Variants in ZNF429 observed in about 807,000 individuals in gnomAD.
The protein encoded by ZNF429 is zinc finger protein 429.
ZNF429 carries 53 observed loss-of-function variants against 56.8 expected under a neutral mutation model. That is an observed-to-expected ratio of 0.93 (90% CI 0.75 to 1.17). ZNF429 has a LOEUF of 1.17. Ranked by LOEUF, ZNF429 falls within the 50% of genes most tolerant of loss-of-function variation. The pLI is 0.00. For missense variants in ZNF429, 849 were observed against 788.4 expected (o/e 1.08, Z -0.92); for synonymous variants, 278 against 264.7 (o/e 1.05, Z -0.49).
Position 21,537,787 on chromosome 19 carries a change from A to C in ZNF429, c.1734A>C (p.Ser578=). The change falls in exon 4 of 4, where the codon TCA becomes TCC. Residue 578 remains serine (S), a synonymous_variant. Coordinates refer to ENST00000358491, the MANE Select transcript of ZNF429 (RefSeq NM_001001415.4). ...KQCDKAFTHS[S]NLSSHKKIHS... ...GTGACAAAGCTTTTACCCACTCCTC[A>C]AACCTTAGTAGTCATAAGAAAATTC... 1 of 1,613,634 alleles carries C rather than the reference A, an allele frequency of 6.2e-7. No homozygotes were observed. Among genetic ancestry groups the C allele is most frequent in the Non-Finnish European group, 8.5e-7 (1 of 1,179,966 alleles).
At chr19:21,534,870 C>T in intron 3 of ZNF429, among the ~76,000 whole-genome samples, 27 of 149,656 alleles carry the variant, frequency 1.8e-4, no homozygotes, top group Middle Eastern at 6.9e-3. Flanking sequence ...AGTGCAGTGG[C>T]GTGATCTCGG....
chr19:21,510,177 G>A (rs1351389201), intron 1 of ZNF429, among the ~76,000 whole-genome samples: 1 of 152,092 alleles, frequency 6.6e-6, no homozygotes, highest in Non-Finnish European at 1.5e-5. Flanking sequence ...ATAGGGGTGA[G>A]CAAACAAGAT....
chr19:21,530,190 CAAA>C, intron 2 of ZNF429, among the ~76,000 whole-genome samples: 6 of 59,256 alleles, frequency 1.0e-4, no homozygotes, highest in Admixed American at 1.9e-4. Flanking sequence ...GACTCCATCT[CAAA>C]AAAAAAAAAA....
intron 1 of ZNF429, among the ~76,000 whole-genome samples, chr19:21,506,753 T>C (rs2032179706): frequency 6.7e-6 from 1 of 148,984 alleles, no homozygotes; most frequent in South Asian, 2.1e-4. Context: ...AAAAAGCATT[T>C]GAGTTAGTTT....
chr19:21,530,380 C>T, intron 2 of ZNF429, among the ~76,000 whole-genome samples: 3 of 151,818 alleles, frequency 2.0e-5, no homozygotes, highest in African/African-American at 4.8e-5. Context: ...TTGTCACAAT[C>T]GATTTTTTAT....
At position 21,538,301 on chromosome 19, in the gene ZNF429, A is replaced by G. The variant is rs1254237706; in HGVS notation, c.*223A>G. 5.8e-5 allele frequency among the ~76,000 whole-genome samples: 8 copies of G among 137,214 alleles called. No individual in the cohort carries two copies. The highest frequency in any genetic ancestry group is 1.3e-4 in the Non-Finnish European group (8 of 63,972). The allele number at this position is 137,214 out of a possible 152,430, so 90.0% of individuals were successfully genotyped here. A position where few individuals can be genotyped will look rare whatever the true frequency, so the allele number is the denominator to read the frequency against. On this transcript the variant is annotated 3_prime_UTR_variant, in exon 4 of 4. Coordinates refer to ENST00000358491, the MANE Select transcript of ZNF429 (RefSeq NM_001001415.4). ...TCAAAAAAAAAAAAAAAAAAAAAAG[A>G]AAAGAAAATTCATAGGCCAGGTATG...
intron 3 of ZNF429, among the ~76,000 whole-genome samples, chr19:21,532,740 C>A: frequency 1.3e-5 from 2 of 151,498 alleles, no homozygotes; most frequent in African/African-American, 4.9e-5. Flanking sequence ...GCTTTGTCAC[C>A]CAGGCTGGAG....
At chr19:21,533,752 C>T in intron 3 of ZNF429, among the ~76,000 whole-genome samples, 21 of 151,988 alleles carry the variant, frequency 1.4e-4, no homozygotes, top group African/African-American at 4.8e-4. Context: ...TTCCCGGGTT[C>T]AAGCAATTCT....
intron 1 of ZNF429, among the ~76,000 whole-genome samples, chr19:21,523,908 G>T (rs185775761): frequency 1.4e-3 from 211 of 152,318 alleles, no homozygotes; most frequent in Non-Finnish European, 2.6e-3. Flanking sequence ...GAGCCAGGTT[G>T]ATCCCATCTA....
chr19:21,526,879 A>C (rs1002122243), intron 1 of ZNF429, among the ~76,000 whole-genome samples: 1 of 152,192 alleles, frequency 6.6e-6, no homozygotes, highest in African/African-American at 2.4e-5. Flanking sequence ...ATCTGGAGCT[A>C]AAATTCACAC....
At chr19:21,522,771 C>T (rs754931774) in intron 1 of ZNF429, among the ~76,000 whole-genome samples, 1 of 152,066 alleles carries the variant, frequency 6.6e-6, no homozygotes, top group African/African-American at 2.4e-5. Context: ...ATGGCAGGTG[C>T]CTGCAATCCC....
intron 3 of ZNF429, among the ~76,000 whole-genome samples, chr19:21,534,208 T>C: frequency 6.6e-6 from 1 of 152,206 alleles, no homozygotes; most frequent in Admixed American, 6.5e-5. Flanking sequence ...CACTGTCTGT[T>C]GTATTGACAT....
Position 21,536,743 on chromosome 19 carries a change from A to G in ZNF429, c.690A>G (p.Arg230=). Residue 230 remains arginine (R), a synonymous_variant, in exon 4 of 4, where the codon AGA becomes AGG. Coordinates refer to ENST00000358491, the MANE Select transcript of ZNF429 (RefSeq NM_001001415.4). ...KRIYVGEKHY[R]CEECGKAFNH... ...TTTATGTTGGTGAGAAACACTACAG[A>G]TGTGAAGAATGTGGCAAAGCATTTA... is the stretch of plus-strand genomic sequence containing the variant. The G allele has an allele frequency of 6.2e-7, 1 of 1,614,048 alleles. No homozygotes were observed. The highest frequency in any genetic ancestry group is 8.5e-7 in the Non-Finnish European group (1 of 1,180,012).
chr19:21,532,409 A>T, intron 3 of ZNF429, among the ~76,000 whole-genome samples: 1 of 152,230 alleles, frequency 6.6e-6, no homozygotes, highest in Admixed American at 6.5e-5. Flanking sequence ...TGGAATGTGC[A>T]GAAAAATTAA....
At chr19:21,509,803 A>C (rs973545764) in intron 1 of ZNF429, among the ~76,000 whole-genome samples, 4 of 152,268 alleles carry the variant, frequency 2.6e-5, no homozygotes, top group Non-Finnish European at 1.5e-5. Flanking sequence ...TATAAAAAAA[A>C]GAAAATTGAA....
chr19:21,530,526 A>G, intron 2 of ZNF429, 63 bp from the exon 3 acceptor site: 2 of 1,190,640 alleles, frequency 1.7e-6, no homozygotes, highest in Non-Finnish European at 2.4e-6. Context: ...TACTGAGCAC[A>G]TTACTAAATT....
chr19:21,517,893 A>G (rs2032824466), intron 1 of ZNF429, among the ~76,000 whole-genome samples: 1 of 149,226 alleles, frequency 6.7e-6, no homozygotes, highest in Non-Finnish European at 1.5e-5. Context: ...TCCCAGGTTC[A>G]CGCCATTCAC....
Position 21,522,901 on chromosome 19 carries a change from A to G in ZNF429, c.4-6757A>G, listed in dbSNP as rs200099789. Among the ~76,000 whole-genome samples the G allele has an allele frequency of 1.6e-4, 25 of 152,240 alleles. No individual in the cohort carries two copies. The East Asian group carries it at 4.4e-3, about 27-fold the overall frequency. On this transcript the variant is annotated intron_variant, in intron 1 of 3. Transcript: ENST00000358491. ...ACAGAGCGAGACTCTGTCTCAAAAAAAAAAAAAAGTGTATACTGTCCCGTA... is the reference window on the plus strand; with the variant it reads ...ACAGAGCGAGACTCTGTCTCAAAAAGAAAAAAAAGTGTATACTGTCCCGTA...
intron 1 of ZNF429, chr19:21,529,396 T>G (rs1051395288): frequency 1.3e-5 from 8 of 596,074 alleles, no homozygotes; most frequent in Admixed American, 6.0e-5. Flanking sequence ...ATTTTATACT[T>G]TATCACTTAG....
Sources: allele counts gnomAD v4.1 joint callset (sites outside exome capture counted in the v4.1 genomes callset), GRCh38; gene constraint gnomAD v4.1.1; transcripts MANE v1.5; gene names NCBI Gene and HGNC (gene_info 2026-07-23, HGNC 2026-07-21).